Variants in CMKLR1 observed in about 807,000 individuals in gnomAD.
The protein encoded by CMKLR1 is chemerin-like receptor 1.
A neutral mutation model predicts 8.2 loss-of-function variants in CMKLR1; 6 were observed. The observed-to-expected ratio is 0.73, with a 90% CI of 0.40 to 1.44. CMKLR1 has a LOEUF of 1.44. Ranked by LOEUF, CMKLR1 falls within the 40% of genes most tolerant of loss-of-function variation. CMKLR1 has a pLI of 0.02. For synonymous variants in CMKLR1, 178 were observed against 181.2 expected, an observed-to-expected ratio of 0.98 and a Z score of 0.14; for missense variants, 429 against 478.0, an observed-to-expected ratio of 0.90 and a Z score of 0.96.
At chr12:108,337,570 G>C (rs1813605253) in intron 1 of CMKLR1, among the ~76,000 whole-genome samples, 1 of 152,182 alleles carries the variant, frequency 6.6e-6, no homozygotes, top group African/African-American at 2.4e-5. Flanking sequence ...CGTGATAAGG[G>C]AGGGATAGGC....
intron 2 of CMKLR1, among the ~76,000 whole-genome samples, chr12:108,299,134 G>A (rs939415371): frequency 9.9e-5 from 15 of 152,216 alleles, no homozygotes; most frequent in Admixed American, 9.2e-4. Context: ...GGCAGCAGAC[G>A]GTCTGGAGAA....
intron 2 of CMKLR1, among the ~76,000 whole-genome samples, chr12:108,321,594 C>G (rs958727539): frequency 6.6e-6 from 1 of 152,166 alleles, no homozygotes; most frequent in African/African-American, 2.4e-5. Flanking sequence ...TAACACAGAA[C>G]GTGCACCCAA....
At position 108,292,167 on chromosome 12, in the gene CMKLR1, T is replaced by C; in HGVS notation, c.796A>G (p.Ile266Val). 2.5e-6 allele frequency: 4 copies of C among 1,614,148 alleles called. No individual in the cohort carries two copies. Among genetic ancestry groups the C allele is most frequent in the South Asian group, 1.1e-5 (1 of 91,076 alleles). Residue 266 changes from isoleucine (I) to valine (V), a missense_variant, in exon 4 of 4, where the codon ATC (isoleucine) becomes GTC (valine). Physicochemically the swap from Ile to Val is conservative, Grantham distance 29. Coordinates refer to ENST00000550402, the MANE Select transcript of CMKLR1 (RefSeq NM_001142343.2). ...KKPFKIIVTI[I>V]ITFFLCWCPY... ...CACCAGCAGAGGAAGAAGGTAATGA[T>C]GATGGTCACAATAATCTTGAAGGGC...
At chr12:108,308,638 T>C (rs984795446) in intron 2 of CMKLR1, among the ~76,000 whole-genome samples, 10 of 152,036 alleles carry the variant, frequency 6.6e-5, no homozygotes, top group Admixed American at 1.3e-4. Context: ...GGTCAGAAAA[T>C]AGAGGTTCTA....
chr12:108,295,692 G>A (rs1214098584), intron 2 of CMKLR1, among the ~76,000 whole-genome samples: 1 of 152,194 alleles, frequency 6.6e-6, no homozygotes, highest in African/African-American at 2.4e-5. Flanking sequence ...AGGGCACGCC[G>A]GGCATCTCCC....
At chr12:108,310,485 G>A (rs778121691) in intron 2 of CMKLR1, among the ~76,000 whole-genome samples, 1 of 152,138 alleles carries the variant, frequency 6.6e-6, no homozygotes, top group African/African-American at 2.4e-5. Context: ...GTTTTTGGAG[G>A]CTCCAGGCAT....
intron 2 of CMKLR1, among the ~76,000 whole-genome samples, chr12:108,295,908 G>A (rs920837479): frequency 2.0e-5 from 3 of 152,164 alleles, no homozygotes; most frequent in African/African-American, 7.2e-5. Context: ...TCTTAGAGCT[G>A]GGGCCAGGCT....
rs2137289876 is a variant in CMKLR1, at chr12:108,291,742, T to C, written c.*99A>G. The C allele has an allele frequency of 8.2e-7, 1 of 1,225,428 alleles. No individual in the cohort carries two copies. Among genetic ancestry groups the C allele is most frequent in the Middle Eastern group, 2.8e-4 (1 of 3,514 alleles). The allele number at this position is 1,225,428 out of a possible 1,614,324, so 75.9% of individuals were successfully genotyped here. A position where few individuals can be genotyped will look rare whatever the true frequency, so the allele number is the denominator to read the frequency against. On this transcript the variant is annotated 3_prime_UTR_variant, in exon 4 of 4. Coordinates refer to ENST00000550402, the MANE Select transcript of CMKLR1 (RefSeq NM_001142343.2). ...CATCCCATGCAAAATGCAGTGAAAA[T>C]TGGTGGATGCTAAAGAGGTTCTTGC...
intron 2 of CMKLR1, among the ~76,000 whole-genome samples, chr12:108,328,228 C>T (rs544835277): frequency 5.3e-4 from 81 of 152,270 alleles, no homozygotes; most frequent in South Asian, 4.4e-3. Flanking sequence ...GGCAGGAAGT[C>T]GAAAGGGAAA....
chr12:108,312,259 G>A (rs1048629349), intron 2 of CMKLR1, among the ~76,000 whole-genome samples: 3 of 152,224 alleles, frequency 2.0e-5, no homozygotes, highest in Admixed American at 6.5e-5. Context: ...TCAGATCTGT[G>A]AGAACTCAAA....
chr12:108,330,746 A>G (rs1323473060), intron 1 of CMKLR1, among the ~76,000 whole-genome samples: 1 of 152,224 alleles, frequency 6.6e-6, no homozygotes, highest in Non-Finnish European at 1.5e-5. Context: ...ACTTGGAAAT[A>G]AAGTAGAGCA....
Position 108,292,889 on chromosome 12 carries a change from A to G in CMKLR1, c.74T>C (p.Ile25Thr), listed in dbSNP as rs537099458. The G allele has an allele frequency of 7.4e-4, 1,201 of 1,614,032 alleles. 21 individuals are homozygous for G. The South Asian group carries it at 0.013, about 17-fold the overall frequency. ...GDEYPDYLDS[I>T]VVLEDLSPLE... ...GGGGGATAAGTCCTCCAAAACCACA[A>G]TGGAGTCTAAATAATCAGGGTATTC... is the stretch of plus-strand genomic sequence containing the variant. Residue 25 changes from isoleucine (I) to threonine (T), a missense_variant, in exon 4 of 4, where the codon ATT becomes ACT. Ile to Thr is a moderately conservative substitution (Grantham distance 89, BLOSUM62 -1). Transcript: ENST00000550402.
chr12:108,311,255 A>G (rs1461663266), intron 2 of CMKLR1, among the ~76,000 whole-genome samples: 3 of 151,958 alleles, frequency 2.0e-5, no homozygotes, highest in African/African-American at 2.4e-5. Flanking sequence ...CATTCCTACT[A>G]TGTCAGATCC....
Position 108,291,399 on chromosome 12 carries a change from A to C in CMKLR1, c.*442T>G, listed in dbSNP as rs1391132945. The C allele has an allele frequency of 6.2e-6, 1 of 161,838 alleles. No individual in the cohort carries two copies. The highest frequency in any genetic ancestry group is 1.4e-5 in the Non-Finnish European group (1 of 73,944). 10.0% of individuals were successfully genotyped at this position (161,838 alleles called of 1,614,324 possible). A position where few individuals can be genotyped will look rare whatever the true frequency, so the allele number is the denominator to read the frequency against. On this transcript the variant is annotated 3_prime_UTR_variant, in exon 4 of 4. Transcript: ENST00000550402. ...GGTAGGGTTTTCTGGCCAGCTACTG[A>C]TAATATATATACAAGGGCCAAGTGT...
intron 1 of CMKLR1, among the ~76,000 whole-genome samples, chr12:108,338,641 A>T (rs1892286138): frequency 6.6e-6 from 1 of 152,222 alleles, no homozygotes; most frequent in Non-Finnish European, 1.5e-5. Context: ...TGTCATACTA[A>T]ATATTCATTG....
At chr12:108,331,358 G>A (rs1892102630) in intron 1 of CMKLR1, among the ~76,000 whole-genome samples, 1 of 152,126 alleles carries the variant, frequency 6.6e-6, no homozygotes, top group Admixed American at 6.5e-5. Context: ...TCCTGGTTCG[G>A]TCCTGATAAT....
At chr12:108,336,532 C>T (rs1037564360) in intron 1 of CMKLR1, among the ~76,000 whole-genome samples, 16 of 150,372 alleles carry the variant, frequency 1.1e-4, no homozygotes, top group African/African-American at 1.5e-4. Flanking sequence ...GGCGACAGAG[C>T]GAGACTCCAT....
At position 108,311,711 on chromosome 12, in the gene CMKLR1, AG is replaced by A. The variant is rs1255476350; in HGVS notation, c.-73-18048del. ...AGAGCTGGTGGAGGCAAGAGGCAACAGGAGGAAGGGTGGGCCACTGAGCATG... is the reference window on the plus strand; with the variant it reads ...AGAGCTGGTGGAGGCAAGAGGCAACAGAGGAAGGGTGGGCCACTGAGCATG... On this transcript the variant is annotated intron_variant, in intron 2 of 3. Coordinates refer to ENST00000550402, the MANE Select transcript of CMKLR1 (RefSeq NM_001142343.2). 5.9e-5 allele frequency among the ~76,000 whole-genome samples: 9 copies of A among 152,320 alleles called. No homozygotes were observed. In the South Asian group the frequency reaches 1.9e-3, roughly 32 times the overall value.
intron 2 of CMKLR1, among the ~76,000 whole-genome samples, chr12:108,297,975 C>A (rs989033879): frequency 6.6e-6 from 1 of 152,190 alleles, no homozygotes; most frequent in African/African-American, 2.4e-5. Context: ...CCTTGGGATA[C>A]CCTTTATGAA....
Sources: allele counts gnomAD v4.1 joint callset (sites outside exome capture counted in the v4.1 genomes callset), GRCh38; gene constraint gnomAD v4.1.1; transcripts MANE v1.5; gene names NCBI Gene and HGNC (gene_info 2026-07-23, HGNC 2026-07-21).